The following SMYD3 variants were observed in gnomAD, a reference collection of about 807,000 sequenced individuals.
SMYD3 encodes the protein SET and MYND domain containing 3, also known as histone-lysine N-methyltransferase SMYD3.
In SMYD3, 36 loss-of-function variants were observed where a neutral mutation model predicts 57.7. That is an observed-to-expected ratio of 0.62 (90% CI 0.48 to 0.82). SMYD3 has a LOEUF of 0.82. Ranked by LOEUF, SMYD3 falls within the 40% of genes least tolerant of loss-of-function variation. The pLI is 0.00. For missense variants in SMYD3, 515 were observed against 538.8 expected, an observed-to-expected ratio of 0.96 and a Z score of 0.44; for synonymous variants, 211 against 195.0, an observed-to-expected ratio of 1.08 and a Z score of -0.68.
chr1:246,118,872 C>A (rs1258567634), intron 5 of SMYD3, among the ~76,000 whole-genome samples: 1 of 148,864 alleles, frequency 6.7e-6, no homozygotes, highest in Admixed American at 6.8e-5. Flanking sequence ...ATGGCTGGAG[C>A]TCCAGCAGCC....
At chr1:245,823,223 A>G (rs2049277464) in intron 10 of SMYD3, among the ~76,000 whole-genome samples, 1 of 152,206 alleles carries the variant, frequency 6.6e-6, no homozygotes, top group Non-Finnish European at 1.5e-5. Flanking sequence ...CATCTCTTCT[A>G]CATTGTTCAG....
Position 246,233,775 on chromosome 1 carries a change from A to G in SMYD3, c.531+93426T>C, listed in dbSNP as rs12749277. Among the ~76,000 whole-genome samples the G allele has an allele frequency of 6.5e-4, 60 of 92,300 alleles. 1 individual carries two copies. Among genetic ancestry groups the G allele is most frequent in the African/African-American group, 1.5e-3 (35 of 24,004 alleles). 60.6% of individuals were successfully genotyped at this position (92,300 alleles called of 152,430 possible). A position where few individuals can be genotyped will look rare whatever the true frequency, so the allele number is the denominator to read the frequency against. ...TGAACATATACCACGCAGAGGAGAA[A>G]CGCTCCTTCAATTCACACTGTGATG... On this transcript the variant is annotated intron_variant, in intron 5 of 11. Transcript: ENST00000490107.
chr1:246,423,153 C>T (rs1035635014), intron 1 of SMYD3, among the ~76,000 whole-genome samples: 1 of 151,708 alleles, frequency 6.6e-6, no homozygotes, highest in Admixed American at 6.6e-5. Flanking sequence ...AAAAATTAGC[C>T]GGGCATGGTG....
At chr1:246,416,499 A>G (rs926173509) in intron 1 of SMYD3, among the ~76,000 whole-genome samples, 1 of 151,528 alleles carries the variant, frequency 6.6e-6, no homozygotes. Context: ...AGAAATTACT[A>G]TTCATCAGCA....
chr1:245,971,383 G>A (rs551223898), intron 5 of SMYD3, among the ~76,000 whole-genome samples: 102 of 152,150 alleles, frequency 6.7e-4, no homozygotes, highest in Admixed American at 2.0e-3. Context: ...ACCATGGCAC[G>A]TGTATACCTA....
At chr1:246,109,859 G>A (rs1166582611) in intron 5 of SMYD3, 1 of 152,240 alleles carries the variant, frequency 6.6e-6, no homozygotes, top group Admixed American at 6.5e-5. Flanking sequence ...CTGGGAACAA[G>A]GAGGAAGAAG....
chr1:246,018,485 C>G (rs952170352), intron 5 of SMYD3, among the ~76,000 whole-genome samples: 6 of 152,206 alleles, frequency 3.9e-5, no homozygotes, highest in Non-Finnish European at 7.3e-5. Flanking sequence ...ACAGTAAGAA[C>G]AAGACATTAT....
intron 5 of SMYD3, among the ~76,000 whole-genome samples, chr1:246,263,378 C>T (rs1261688175): frequency 2.0e-5 from 3 of 152,024 alleles, no homozygotes; most frequent in Non-Finnish European, 4.4e-5. Flanking sequence ...AGAGTTAGGG[C>T]TCATTAACAG....
chr1:245,751,526 G>T (rs1046193187), intron 11 of SMYD3, among the ~76,000 whole-genome samples: 16 of 140,560 alleles, frequency 1.1e-4, no homozygotes, highest in African/African-American at 3.7e-4. Flanking sequence ...TGCTGAGAGA[G>T]AGAGAAAGAG....
At chr1:246,331,311 A>T (rs2065457993) in intron 3 of SMYD3, among the ~76,000 whole-genome samples, 1 of 152,220 alleles carries the variant, frequency 6.6e-6, no homozygotes, top group Non-Finnish European at 1.5e-5. Flanking sequence ...AATTTTAGGA[A>T]ATAAGATAAG....
intron 5 of SMYD3, among the ~76,000 whole-genome samples, chr1:246,172,484 T>C (rs1335724926): frequency 8.4e-6 from 1 of 118,812 alleles, no homozygotes; most frequent in African/African-American, 3.3e-5. Context: ...ATCCACACTG[T>C]ATGCTTAGGC....
intron 5 of SMYD3, among the ~76,000 whole-genome samples, chr1:245,955,565 A>C (rs2057814814): frequency 6.6e-6 from 1 of 152,146 alleles, no homozygotes; most frequent in Non-Finnish European, 1.5e-5. Flanking sequence ...CTACATCCAA[A>C]TAGATTTACC....
At chr1:246,461,861 C>T (rs114878223) in intron 1 of SMYD3, among the ~76,000 whole-genome samples, 1,963 of 152,168 alleles carry the variant, frequency 0.013, 43 homozygotes, top group African/African-American at 0.044. Flanking sequence ...CCTGTGTTCA[C>T]GTATTCATTC....
chr1:246,346,389 G>A (rs1015273945), intron 2 of SMYD3, among the ~76,000 whole-genome samples: 2 of 152,022 alleles, frequency 1.3e-5, no homozygotes, highest in African/African-American at 4.8e-5. Context: ...TTTACATCAC[G>A]TCTAGCTATC....
chr1:246,410,177 G>A (rs2066940753), intron 1 of SMYD3, among the ~76,000 whole-genome samples: 1 of 152,080 alleles, frequency 6.6e-6, no homozygotes. Flanking sequence ...TCTCCTGCCT[G>A]ACTGCCCTGG....
At chr1:246,260,421 C>CT (rs774264479) in intron 5 of SMYD3, among the ~76,000 whole-genome samples, 46 of 150,132 alleles carry the variant, frequency 3.1e-4, no homozygotes, top group African/African-American at 1.1e-3. Flanking sequence ...TCCCATTTTC[C>CT]TTTTGTTGTT....
intron 10 of SMYD3, among the ~76,000 whole-genome samples, chr1:245,794,142 G>A (rs1485756128): frequency 6.6e-6 from 1 of 152,214 alleles, no homozygotes; most frequent in Non-Finnish European, 1.5e-5. Flanking sequence ...AGGGAAAGCA[G>A]TTGTGTTCAC....
chr1:245,940,582 A>AAACAC (rs1295767938), intron 5 of SMYD3, among the ~76,000 whole-genome samples: 1 of 151,904 alleles, frequency 6.6e-6, no homozygotes, highest in Non-Finnish European at 1.5e-5. Context: ...AAACAAAACA[A>AAACAC]AACAAAAAAA....
intron 1 of SMYD3, among the ~76,000 whole-genome samples, chr1:246,415,198 A>G (rs1330912117): frequency 1.3e-5 from 2 of 152,152 alleles, no homozygotes; most frequent in Non-Finnish European, 2.9e-5. Context: ...ACACAGATAC[A>G]CTGTCAACAA....
Sources: allele counts gnomAD v4.1 joint callset (sites outside exome capture counted in the v4.1 genomes callset), GRCh38; gene constraint gnomAD v4.1.1; transcripts MANE v1.5; gene names NCBI Gene and HGNC (gene_info 2026-07-23, HGNC 2026-07-21).